Variants in MYO6 observed in about 807,000 individuals in gnomAD.
MYO6 encodes the protein unconventional myosin-VI.
In MYO6, 74 loss-of-function variants were observed where a neutral mutation model predicts 178.7. The observed-to-expected ratio is 0.41, with a 90% CI of 0.34 to 0.50. MYO6 has a LOEUF of 0.50. Among genes scored for constraint, MYO6 ranks in the 20% least tolerant of loss-of-function variants. MYO6 has a pLI of 0.09. For synonymous variants in MYO6, 477 were observed against 504.6 expected, an observed-to-expected ratio of 0.95 and a Z score of 0.73; for missense variants, 1,330 against 1,547.4, an observed-to-expected ratio of 0.86 and a Z score of 2.36.
At chr6:75,750,538 T>C (rs1049841770) in intron 1 of MYO6, among the ~76,000 whole-genome samples, 1 of 151,928 alleles carries the variant, frequency 6.6e-6, no homozygotes, top group African/African-American at 2.4e-5. Context: ...CTCATTTTTT[T>C]TTTTTTTTTA....
In MYO6 at chr6:75,828,742, G is replaced by C. The variant is rs113576831; in HGVS notation, c.261+129G>C. On this transcript the variant is annotated intron_variant, in intron 4 of 34. Coordinates refer to ENST00000369977, the MANE Select transcript of MYO6 (RefSeq NM_004999.4). ...GATCTGAGCCTCTTGAATAGAGTGT[G>C]AGGTTAGTGAGGACAAAGATTTTTT... 1.4e-3 allele frequency: 932 copies of C among 678,158 alleles called. 9 individuals carry two copies. In the African/African-American group the frequency reaches 0.015, roughly 11 times the overall value. 42.0% of individuals were successfully genotyped at this position (678,158 alleles called of 1,614,324 possible). A position where few individuals can be genotyped will look rare whatever the true frequency, so the allele number is the denominator to read the frequency against.
intron 4 of MYO6, among the ~76,000 whole-genome samples, chr6:75,829,909 T>G (rs1772902689): frequency 6.6e-6 from 1 of 152,196 alleles, no homozygotes; most frequent in Non-Finnish European, 1.5e-5. Context: ...CATTCAGTGA[T>G]AGGGATGGGC....
chr6:75,818,963 A>G (rs1178234698), intron 2 of MYO6, among the ~76,000 whole-genome samples: 1 of 152,234 alleles, frequency 6.6e-6, no homozygotes, highest in Non-Finnish European at 1.5e-5. Context: ...CCAAAATGAA[A>G]TTGAGAGTGT....
At position 75,893,071 on chromosome 6, in the gene MYO6, T is replaced by A. The variant is rs1779030091; in HGVS notation, c.3107+381T>A. ...CTGTGTTATATAATGCAGTGTAATG[T>A]ATTTGTAGTTGAGATTTTTCTAATG... On this transcript the variant is annotated intron_variant, in intron 28 of 34. Coordinates refer to ENST00000369977, the MANE Select transcript of MYO6 (RefSeq NM_004999.4). Among the ~76,000 whole-genome samples, 3 of 152,084 alleles carry A rather than the reference T, an allele frequency of 2.0e-5. No homozygotes were observed. The South Asian group carries it at 6.2e-4, about 32-fold the overall frequency.
At chr6:75,821,380 A>G (rs1179276461) in intron 2 of MYO6, among the ~76,000 whole-genome samples, 2 of 152,184 alleles carry the variant, frequency 1.3e-5, no homozygotes, top group East Asian at 3.9e-4. Context: ...CTATAGAATC[A>G]TTATTATAAA....
At chr6:75,785,091 A>G (rs1347493989) in intron 1 of MYO6, among the ~76,000 whole-genome samples, 1 of 152,212 alleles carries the variant, frequency 6.6e-6, no homozygotes, top group Admixed American at 6.5e-5. Flanking sequence ...GGGATATTTT[A>G]TTGAGCATCA....
At chr6:75,843,459 G>A (rs1261651030) in intron 9 of MYO6, among the ~76,000 whole-genome samples, 1 of 152,102 alleles carries the variant, frequency 6.6e-6, no homozygotes, top group Admixed American at 6.6e-5. Context: ...AAGAAGGCTT[G>A]GATAGAAAAA....
chr6:75,866,309 CTT>C, intron 16 of MYO6, among the ~76,000 whole-genome samples: 1 of 85,972 alleles, frequency 1.2e-5, no homozygotes, highest in Non-Finnish European at 2.8e-5. Flanking sequence ...GTGTGTGTGT[CTT>C]ACACCTATTT....
intron 7 of MYO6, 68 bp from the exon 8 acceptor site, chr6:75,840,517 T>C: frequency 1.0e-6 from 1 of 999,410 alleles, no homozygotes; most frequent in South Asian, 1.3e-5. Context: ...CAAATGGAGA[T>C]ATACCATGCA....
chr6:75,749,422 C>G lies in MYO6; in HGVS notation c.-49C>G, dbSNP rs149130280. The G allele has an allele frequency of 0.018, 2,780 of 152,992 alleles. 46 individuals are homozygous for G. The highest frequency in any genetic ancestry group is 0.064 in the Middle Eastern group (19 of 298). The allele number at this position is 152,992 out of a possible 1,614,324, so 9.5% of individuals were successfully genotyped here. A position where few individuals can be genotyped will look rare whatever the true frequency, so the allele number is the denominator to read the frequency against. ...CGCGCACCTGCCTTCGCTCCCGCAC[C>G]GGTGAGTGTCCCAGAGACCCACTGC... On this transcript the variant is annotated splice_region_variant and 5_prime_UTR_variant, in exon 1 of 35. Transcript: ENST00000369977.
chr6:75,914,042 T>C, intron 33 of MYO6, 21 bp from the exon 34 acceptor site: 1 of 1,612,238 alleles, frequency 6.2e-7, no homozygotes, highest in Non-Finnish European at 8.5e-7. Context: ...CTGGTATAAC[T>C]TTCCTTGTTC....
chr6:75,839,324 G>T (rs1038967325), intron 7 of MYO6, among the ~76,000 whole-genome samples: 23 of 152,000 alleles, frequency 1.5e-4, no homozygotes, highest in African/African-American at 5.6e-4. Context: ...ATGTAGCTGG[G>T]ACTACAGGCA....
chr6:75,850,749 A>G (rs1775184843), intron 11 of MYO6, among the ~76,000 whole-genome samples: 1 of 152,230 alleles, frequency 6.6e-6, no homozygotes, highest in African/African-American at 2.4e-5. Flanking sequence ...ACTGAAGATA[A>G]TAGTACCTAC....
At position 75,817,676 on chromosome 6, in the gene MYO6, A is replaced by C; in HGVS notation, c.117+12A>C. 3 of 1,606,162 alleles carry C rather than the reference A, an allele frequency of 1.9e-6. No individual in the cohort carries two copies. Among genetic ancestry groups the C allele is most frequent in the Non-Finnish European group, 2.6e-6 (3 of 1,172,744 alleles). On this transcript the variant is annotated intron_variant, in intron 2 of 34. Transcript: ENST00000369977. ...ATCAGAAAGGCAAGGTGAGTTTCTC[A>C]GAAAGATGTTGAAATATGATTTCTT...
chr6:75,914,488 T>A (rs997988601), intron 34 of MYO6, among the ~76,000 whole-genome samples: 26 of 152,224 alleles, frequency 1.7e-4, no homozygotes, highest in Admixed American at 1.6e-3. Flanking sequence ...TCTTAGCACA[T>A]AGAAACTTGT....
intron 1 of MYO6, among the ~76,000 whole-genome samples, chr6:75,791,619 CTT>C (rs1768259170): frequency 1.3e-5 from 2 of 152,102 alleles, no homozygotes; most frequent in South Asian, 4.1e-4. Context: ...ATCAAGGAGA[CTT>C]TGACTTTTTT....
At chr6:75,752,577 T>C (rs946232351) in intron 1 of MYO6, among the ~76,000 whole-genome samples, 5 of 152,228 alleles carry the variant, frequency 3.3e-5, no homozygotes, top group Non-Finnish European at 5.9e-5. Flanking sequence ...TTGGTTTCAG[T>C]TCACTTGGTG....
intron 14 of MYO6, among the ~76,000 whole-genome samples, chr6:75,859,667 C>CTTTT (rs34957875): frequency 8.5e-6 from 1 of 118,292 alleles, no homozygotes; most frequent in Non-Finnish European, 1.7e-5. Flanking sequence ...ATCTCCCACT[C>CTTTT]TTTTTTTTTT....
chr6:75,815,624 C>T (rs1393580713), intron 1 of MYO6, among the ~76,000 whole-genome samples: 1 of 152,188 alleles, frequency 6.6e-6, no homozygotes, highest in East Asian at 1.9e-4. Flanking sequence ...TGTACATAAA[C>T]CTGATAGCGT....
Sources: allele counts gnomAD v4.1 joint callset (sites outside exome capture counted in the v4.1 genomes callset), GRCh38; gene constraint gnomAD v4.1.1; transcripts MANE v1.5; gene names NCBI Gene and HGNC (gene_info 2026-07-23, HGNC 2026-07-21).